TANGO6: variants seen among roughly 807,000 people sequenced by gnomAD.
TANGO6 encodes the protein transport and Golgi organization protein 6 homolog.
A neutral mutation model predicts 114.2 loss-of-function variants in TANGO6; 90 were observed. The observed-to-expected ratio is 0.79, with a 90% CI of 0.66 to 0.94. The LOEUF is 0.94. Among genes scored for constraint, TANGO6 ranks in the 40% least tolerant of loss-of-function variants. TANGO6 has a pLI of 0.00. For synonymous variants in TANGO6, 477 were observed against 509.8 expected (o/e 0.94, Z 0.87); for missense variants, 1,274 against 1,315.3 (o/e 0.97, Z 0.49).
chr16:69,074,803 TG>T (rs1960348583), intron 17 of TANGO6, among the ~76,000 whole-genome samples: 1 of 99,160 alleles, frequency 1.0e-5, no homozygotes, highest in African/African-American at 4.3e-5. Flanking sequence ...AATGCCTGTG[TG>T]TGTGTGTGTG....
Position 68,854,618 on chromosome 16 carries a change from GTT to G in TANGO6, c.95-5250_95-5249del, listed in dbSNP as rs572025557. Among the ~76,000 whole-genome samples, 888 of 138,208 alleles carry G rather than the reference GTT, an allele frequency of 6.4e-3. 8 individuals are homozygous for G. The highest frequency in any genetic ancestry group is 0.02 in the African/African-American group (757 of 37,934). The allele number at this position is 138,208 out of a possible 152,430, so 90.7% of individuals were successfully genotyped here. ...TGTGTGGTGTGAATTAAAGGTCAAA[GTT>G]TTTTTTTTTTTTTTTCCCCATGTGG... On this transcript the variant is annotated intron_variant, in intron 1 of 17. Coordinates refer to ENST00000261778, the MANE Select transcript of TANGO6 (RefSeq NM_024562.2).
chr16:68,908,965 A>G (rs1962887373), intron 10 of TANGO6, among the ~76,000 whole-genome samples: 1 of 152,206 alleles, frequency 6.6e-6, no homozygotes, highest in African/African-American at 2.4e-5. Flanking sequence ...AGATCTATCT[A>G]TATTGATACC....
At chr16:69,076,088 C>CTTTTTTTTTTT (rs34844519) in intron 17 of TANGO6, among the ~76,000 whole-genome samples, 2 of 85,684 alleles carry the variant, frequency 2.3e-5, no homozygotes, top group African/African-American at 4.9e-5. Flanking sequence ...TATTTCATTT[C>CTTTTTTTTTTT]TTTTTTTTTT....
intron 1 of TANGO6, among the ~76,000 whole-genome samples, chr16:68,851,229 G>A (rs1961897927): frequency 6.6e-6 from 1 of 151,864 alleles, no homozygotes; most frequent in Non-Finnish European, 1.5e-5. Context: ...GCGCAATCTC[G>A]GCTCACTGCA....
At chr16:68,906,661 A>T (rs184830683) in intron 9 of TANGO6, among the ~76,000 whole-genome samples, 20 of 151,986 alleles carry the variant, frequency 1.3e-4, no homozygotes, top group Admixed American at 1.3e-3. Flanking sequence ...ATAATGTACT[A>T]CAACCTCAAA....
intron 5 of TANGO6, among the ~76,000 whole-genome samples, chr16:68,876,524 T>C (rs1054353595): frequency 2.0e-5 from 3 of 152,006 alleles, no homozygotes; most frequent in African/African-American, 7.2e-5. Flanking sequence ...CTTTTTTTCA[T>C]TGATAGTGTA....
intron 17 of TANGO6, among the ~76,000 whole-genome samples, chr16:69,071,328 G>A (rs1960294971): frequency 6.6e-6 from 1 of 152,116 alleles, no homozygotes; most frequent in Non-Finnish European, 1.5e-5. Flanking sequence ...AGCATTTAAC[G>A]TTTTTGTCCT....
intron 15 of TANGO6, among the ~76,000 whole-genome samples, chr16:69,001,147 G>C (rs1255187239): frequency 1.3e-5 from 2 of 152,058 alleles, no homozygotes; most frequent in Non-Finnish European, 2.9e-5. Flanking sequence ...CAGGTGCAGA[G>C]CCTAGGATAC....
intron 15 of TANGO6, among the ~76,000 whole-genome samples, chr16:68,989,915 T>C (rs926242982): frequency 6.6e-6 from 1 of 152,224 alleles, no homozygotes; most frequent in African/African-American, 2.4e-5. Context: ...AGAGATAAAA[T>C]AGGGGACTGT....
At chr16:68,901,900 A>T (rs957003221) in intron 8 of TANGO6, among the ~76,000 whole-genome samples, 18 of 152,090 alleles carry the variant, frequency 1.2e-4, no homozygotes, top group African/African-American at 3.9e-4. Flanking sequence ...ATTGGCACAG[A>T]TGAAAGGGGT....
In TANGO6 at chr16:69,074,279, G is replaced by GTATA. The variant is rs140423804; in HGVS notation, c.3109-9194_3109-9191dup. 3.3e-4 allele frequency among the ~76,000 whole-genome samples: 50 copies of GTATA among 150,440 alleles called. No homozygotes were observed. The South Asian group carries it at 5.3e-3, about 16-fold the overall frequency. ...TACCATTAGTGCTGTGTGTGTGTGT[G>GTATA]TATATATATATATATTACAGAAAAG... On this transcript the variant is annotated intron_variant, in intron 17 of 17. Transcript: ENST00000261778.
chr16:68,915,982 G>A (rs1962998095), intron 11 of TANGO6, among the ~76,000 whole-genome samples: 1 of 152,144 alleles, frequency 6.6e-6, no homozygotes, highest in South Asian at 2.1e-4. Context: ...GTGTGTGCAT[G>A]CATGTGTATT....
intron 11 of TANGO6, among the ~76,000 whole-genome samples, chr16:68,914,239 G>A (rs1343001854): frequency 1.3e-5 from 2 of 152,152 alleles, no homozygotes; most frequent in Admixed American, 1.3e-4. Context: ...TCGGCTTACC[G>A]CAACCTCTGC....
intron 15 of TANGO6, among the ~76,000 whole-genome samples, chr16:69,001,802 G>A (rs1031914113): frequency 3.3e-5 from 5 of 152,068 alleles, no homozygotes; most frequent in Admixed American, 6.6e-5. Flanking sequence ...TGCCCATTCC[G>A]CATTTCATAT....
chr16:68,979,733 T>C (rs1196859439), intron 15 of TANGO6, among the ~76,000 whole-genome samples: 2 of 152,186 alleles, frequency 1.3e-5, no homozygotes, highest in African/African-American at 4.8e-5. Flanking sequence ...TTAAATATTT[T>C]CCATATATTG....
chr16:69,032,406 C>T (rs914250330), intron 16 of TANGO6, among the ~76,000 whole-genome samples: 3 of 152,002 alleles, frequency 2.0e-5, no homozygotes, highest in African/African-American at 4.8e-5. Flanking sequence ...GCTGGGACTA[C>T]AGGCATGTGC....
intron 14 of TANGO6, among the ~76,000 whole-genome samples, chr16:68,962,451 AC>A (rs1436471056): frequency 6.6e-6 from 1 of 152,200 alleles, no homozygotes; most frequent in Admixed American, 6.5e-5. Flanking sequence ...AGATTAATAT[AC>A]ATTTTCATAT....
At chr16:69,065,158 A>T (rs1960194851) in intron 17 of TANGO6, among the ~76,000 whole-genome samples, 1 of 152,156 alleles carries the variant, frequency 6.6e-6, no homozygotes, top group Admixed American at 6.5e-5. Flanking sequence ...GTTGCTATTT[A>T]AAGACATTCT....
At chr16:68,976,024 T>G (rs923914318) in intron 15 of TANGO6, among the ~76,000 whole-genome samples, 1 of 152,194 alleles carries the variant, frequency 6.6e-6, no homozygotes. Context: ...AGCCTTGACC[T>G]CTTACGCTCA....
Sources: allele counts gnomAD v4.1 joint callset (sites outside exome capture counted in the v4.1 genomes callset), GRCh38; gene constraint gnomAD v4.1.1; transcripts MANE v1.5; gene names NCBI Gene and HGNC (gene_info 2026-07-23, HGNC 2026-07-21).